The following TFEC variants were observed in gnomAD, a reference collection of about 807,000 sequenced individuals.
The protein encoded by TFEC is transcription factor EC.
A neutral mutation model predicts 41.6 loss-of-function variants in TFEC; 31 were observed. The observed-to-expected ratio is 0.74, with a 90% CI of 0.56 to 1.01. The LOEUF (loss-of-function observed/expected upper bound fraction) is 1.01. TFEC is among the 50% of genes least tolerant of loss of function. The pLI is 0.00. For synonymous variants in TFEC, 143 were observed against 140.6 expected (o/e 1.02, Z -0.12); for missense variants, 402 against 404.1 (o/e 0.99, Z 0.04).
chr7:116,028,627 A>G (rs970291757), intron 1 of TFEC, among the ~76,000 whole-genome samples: 15 of 152,340 alleles, frequency 9.8e-5, no homozygotes, highest in African/African-American at 2.9e-4. Flanking sequence ...TGGATCTGCT[A>G]TCACTCCATA....
chr7:116,022,602 C>A (rs1186187217), intron 1 of TFEC, among the ~76,000 whole-genome samples: 1 of 152,084 alleles, frequency 6.6e-6, no homozygotes, highest in African/African-American at 2.4e-5. Flanking sequence ...TTCAACAGGG[C>A]AGGGTAAGGA....
intron 3 of TFEC, among the ~76,000 whole-genome samples, chr7:116,064,468 G>T (rs1437757235): frequency 6.6e-6 from 1 of 151,104 alleles, no homozygotes; most frequent in East Asian, 1.9e-4. Context: ...CTGTGGTAAA[G>T]AAAACAAAAC....
At chr7:116,022,234 G>A (rs530943042) in intron 1 of TFEC, among the ~76,000 whole-genome samples, 21 of 152,336 alleles carry the variant, frequency 1.4e-4, no homozygotes, top group African/African-American at 4.8e-4. Context: ...ATTGTTGGCA[G>A]CGGTTTTCCA....
At chr7:116,130,484 G>C (rs900289784) in intron 1 of TFEC, among the ~76,000 whole-genome samples, 5 of 152,188 alleles carry the variant, frequency 3.3e-5, no homozygotes, top group Non-Finnish European at 5.9e-5. Context: ...TGAAGAAACC[G>C]ATAAGAGACA....
intron 6 of TFEC, among the ~76,000 whole-genome samples, chr7:115,946,636 CTT>C (rs978416243): frequency 7.4e-6 from 1 of 134,570 alleles, no homozygotes; most frequent in Non-Finnish European, 1.6e-5. Context: ...CTCTCTCTCT[CTT>C]TATTTTCTTT....
At position 116,005,527 on chromosome 7, in the gene TFEC, C is replaced by G. The variant is rs574574259; in HGVS notation, c.-72-21014G>C. On this transcript the variant is annotated intron_variant, in intron 1 of 7. Transcript: ENST00000265440. ...ACTTGAAAGAGATGACTTAGGGTAT[C>G]TGGTAGAAGAAATTTCTAAGCAGCA... Among the ~76,000 whole-genome samples the G allele has an allele frequency of 2.0e-5, 3 of 152,234 alleles. No individual in the cohort carries two copies. In the East Asian group the frequency reaches 5.8e-4, roughly 29 times the overall value.
At chr7:116,117,555 G>C (rs992200536) in intron 1 of TFEC, 1 of 151,782 alleles carries the variant, frequency 6.6e-6, no homozygotes, top group African/African-American at 2.4e-5. Flanking sequence ...CCTATCTAAA[G>C]AATGTGATGG....
intron 3 of TFEC, among the ~76,000 whole-genome samples, chr7:116,040,343 CAT>C (rs1796006322): frequency 6.6e-6 from 1 of 152,082 alleles, no homozygotes; most frequent in African/African-American, 2.4e-5. Context: ...TATGCACACA[CAT>C]ATATAACTAG....
chr7:116,094,626 C>A (rs1285527107), intron 3 of TFEC, among the ~76,000 whole-genome samples: 1 of 152,044 alleles, frequency 6.6e-6, no homozygotes, highest in African/African-American at 2.4e-5. Context: ...GTTGCAGTGA[C>A]CTCAGATTGA....
chr7:115,968,624 A>C (rs1041647402), intron 3 of TFEC, among the ~76,000 whole-genome samples: 2 of 151,940 alleles, frequency 1.3e-5, no homozygotes, highest in African/African-American at 4.8e-5. Flanking sequence ...TAAATAATAC[A>C]CAGATCTAAA....
intron 1 of TFEC, among the ~76,000 whole-genome samples, chr7:115,985,078 C>A: frequency 6.7e-6 from 1 of 148,378 alleles, no homozygotes; most frequent in East Asian, 2.3e-4. Flanking sequence ...ATCCTGAGCC[C>A]AGTTTTATTT....
chr7:115,994,510 G>GA lies in TFEC; in HGVS notation c.-72-9998dup, dbSNP rs1329672927. ...ACAAAGAACTCACACAAATTTACAA[G>GA]AAAAAATCAAACAACCCCATCAAAA... is the stretch of plus-strand genomic sequence containing the variant. On this transcript the variant is annotated intron_variant, in intron 1 of 7. Coordinates refer to ENST00000265440, the MANE Select transcript of TFEC (RefSeq NM_012252.4). Among the ~76,000 whole-genome samples, 13 of 152,190 alleles carry GA rather than the reference G, an allele frequency of 8.5e-5. 1 individual carries two copies. The highest frequency in any genetic ancestry group is 2.4e-4 in the African/African-American group (10 of 41,520).
intron 3 of TFEC, among the ~76,000 whole-genome samples, chr7:116,054,911 A>T (rs1378083622): frequency 6.6e-6 from 1 of 152,154 alleles, no homozygotes; most frequent in African/African-American, 2.4e-5. Context: ...CCAAGTCAGA[A>T]TTTTATTCCT....
Position 116,142,311 on chromosome 7 carries a change from G to A in TFEC, c.-69+17479C>T, listed in dbSNP as rs570203827. 2.1e-4 allele frequency among the ~76,000 whole-genome samples: 32 copies of A among 152,194 alleles called. No individual in the cohort carries two copies. In the South Asian group the frequency reaches 5.6e-3, roughly 27 times the overall value. On this transcript the variant is annotated intron_variant, in intron 1 of 8. Coordinates refer to the TFEC transcript ENST00000484212. ...CGTAGAGGATGAAACAAAATATAAC[G>A]ATCATTCATATTTGAAGTGATGGAT...
At chr7:115,986,655 A>C (rs1242482542) in intron 1 of TFEC, among the ~76,000 whole-genome samples, 1 of 151,092 alleles carries the variant, frequency 6.6e-6, no homozygotes, top group East Asian at 2.0e-4. Flanking sequence ...AGGACAAAAA[A>C]ATAGACACCA....
chr7:116,053,203 G>A (rs1285288675), intron 3 of TFEC, among the ~76,000 whole-genome samples: 1 of 152,224 alleles, frequency 6.6e-6, no homozygotes, highest in African/African-American at 2.4e-5. Flanking sequence ...GAGAAACTGT[G>A]AAGGGGAGAT....
intron 1 of TFEC, among the ~76,000 whole-genome samples, chr7:115,991,085 T>A (rs1018918483): frequency 1.3e-5 from 2 of 152,122 alleles, no homozygotes; most frequent in African/African-American, 4.8e-5. Context: ...TCAAAATTCA[T>A]AAAGAAAAGA....
At chr7:116,025,898 A>T (rs1165562058) in intron 1 of TFEC, among the ~76,000 whole-genome samples, 3 of 152,200 alleles carry the variant, frequency 2.0e-5, no homozygotes, top group Admixed American at 6.5e-5. Flanking sequence ...TGAAGGTATT[A>T]CCCATAGTCA....
At chr7:116,122,760 C>T (rs1798132957) in intron 1 of TFEC, among the ~76,000 whole-genome samples, 1 of 152,072 alleles carries the variant, frequency 6.6e-6, no homozygotes, top group Non-Finnish European at 1.5e-5. Context: ...ACGACTGGAA[C>T]AAGGTGATGG....
Sources: gnomAD v4.1 joint callset for allele counts (sites outside exome capture counted in the v4.1 genomes callset) on GRCh38, gnomAD v4.1.1 for gene constraint, MANE v1.5 for transcripts, NCBI Gene and HGNC (gene_info 2026-07-23, HGNC 2026-07-21) for gene names.